Variants in KANK2 observed in about 807,000 individuals in gnomAD.
KANK2 encodes the protein KN motif and ankyrin repeat domains 2.
A neutral mutation model predicts 74.6 loss-of-function variants in KANK2; 41 were observed. The observed-to-expected ratio is 0.55, with a 90% CI of 0.43 to 0.71. KANK2 has a LOEUF of 0.71. Ranked by LOEUF, KANK2 falls within the 30% of genes least tolerant of loss-of-function variation. KANK2 has a pLI of 0.00. For missense variants in KANK2, 1,148 were observed against 1,196.4 expected, an observed-to-expected ratio of 0.96 and a Z score of 0.60; for synonymous variants, 537 against 519.0, an observed-to-expected ratio of 1.03 and a Z score of -0.47.
intron 4 of KANK2, among the ~76,000 whole-genome samples, chr19:11,180,016 G>A (rs947248127): frequency 1.3e-5 from 2 of 152,186 alleles, no homozygotes; most frequent in African/African-American, 4.8e-5. Context: ...GCATGCCACT[G>A]TGCCCAGCTA....
chr19:11,166,325 T>C lies in KANK2; in HGVS notation c.*233A>G. On this transcript the variant is annotated 3_prime_UTR_variant, in exon 13 of 13. Coordinates refer to ENST00000586659, the MANE Select transcript of KANK2 (RefSeq NM_001136191.3). ...GCGCCAATGTATACAAGAATTTTGC[T>C]TCGGTCTGCGCTGTGGCCACTTTGA... 2.1e-6 allele frequency: 1 copy of C among 467,400 alleles called. No individual in the cohort carries two copies. The highest frequency in any genetic ancestry group is 3.8e-6 in the Non-Finnish European group (1 of 262,938). The allele number at this position is 467,400 out of a possible 1,614,324, so 29.0% of individuals were successfully genotyped here.
chr19:11,189,603 CAAAAAAAAAAAAAAA>C (rs56203270), intron 4 of KANK2, among the ~76,000 whole-genome samples: 2 of 43,126 alleles, frequency 4.6e-5, no homozygotes, highest in African/African-American at 9.5e-5. Flanking sequence ...GACTCTGTCT[CAAAAAAAAAAAAAAA>C]AAAAAAAAAA....
At chr19:11,175,856 T>C (rs367773319) in intron 8 of KANK2, 46 bp downstream of exon 8, 7 of 1,435,874 alleles carry the variant, frequency 4.9e-6, no homozygotes, top group African/African-American at 1.4e-5. Context: ...GGGGTGGAGG[T>C]AGGGGTCCGG....
intron 9 of KANK2, 76 bp from the exon 10 acceptor site, chr19:11,173,199 C>A: frequency 6.7e-7 from 1 of 1,489,338 alleles, no homozygotes; most frequent in South Asian, 1.3e-5. Context: ...GATACCACGT[C>A]TCGTCCATCA....
rs113611112 is a variant in KANK2, at chr19:11,169,862, C to G, written c.2502+15G>C. On this transcript the variant is annotated intron_variant, in intron 12 of 12. Transcript: ENST00000586659. The stretch of plus-strand genomic sequence containing the variant: ...CCCACCCATCCCGTGCCTACCCGGC[C>G]GGATTGAGACTCACCGAGCACTTGA... The G allele has an allele frequency of 2.0e-5, 32 of 1,609,200 alleles. No homozygotes were observed. The highest frequency in any genetic ancestry group is 2.5e-5 in the Non-Finnish European group (29 of 1,175,750).
At chr19:11,174,983 A>T (rs1485381891) in intron 8 of KANK2, among the ~76,000 whole-genome samples, 1 of 148,180 alleles carries the variant, frequency 6.7e-6, no homozygotes, top group Non-Finnish European at 1.5e-5. Flanking sequence ...TGTGAGACAG[A>T]GTCTCGCTCT....
intron 12 of KANK2, among the ~76,000 whole-genome samples, chr19:11,168,104 G>C (rs2078075096): frequency 6.7e-6 from 1 of 148,236 alleles, no homozygotes; most frequent in Non-Finnish European, 1.5e-5. Flanking sequence ...CTGGGTTCAA[G>C]TGATTCTCCC....
chr19:11,186,216 C>T (rs1201913652), intron 4 of KANK2, among the ~76,000 whole-genome samples: 2 of 151,832 alleles, frequency 1.3e-5, no homozygotes, highest in African/African-American at 2.4e-5. Flanking sequence ...GGTGAAACCC[C>T]GTCTCTACTA....
At chr19:11,180,102 TC>T (rs2078470066) in intron 4 of KANK2, among the ~76,000 whole-genome samples, 1 of 152,168 alleles carries the variant, frequency 6.6e-6, no homozygotes, top group South Asian at 2.1e-4. Flanking sequence ...GCTCAAGTGA[TC>T]CGCCTTCCAA....
chr19:11,169,919 C>A lies in KANK2; in HGVS notation c.2460G>T (p.Glu820Asp). The change falls in exon 12 of 13, where the codon GAG becomes GAT. Residue 820 changes from glutamate to aspartate, a missense_variant. Transcript: ENST00000586659. ...LMVALDAGQS[E>D]IASMLYSRMN... ...TGCGGGAATACAGCATGGACGCAAT[C>A]TCACTCTGCCCTGCGTCCAAGGCCA... The A allele has an allele frequency of 6.2e-7, 1 of 1,614,232 alleles. No homozygotes were observed. Among genetic ancestry groups the A allele is most frequent in the Non-Finnish European group, 8.5e-7 (1 of 1,180,038 alleles).
chr19:11,187,560 T>C (rs1239854318), intron 4 of KANK2, among the ~76,000 whole-genome samples: 3 of 152,092 alleles, frequency 2.0e-5, no homozygotes, highest in Non-Finnish European at 4.4e-5. Flanking sequence ...GTGCTGTTTT[T>C]ACATTTTTAA....
rs1166323760 is a variant in KANK2 at position 11,176,715 on chromosome 19, C to T, written c.1623G>A (p.Val541=). ...APEPRERVPS[V]AEAPQLRPAG... ...CAGGCCTGAGCTGGGGGGCTTCGGCCACACTCGGAACCCTCTCCCTCGGCT... is the reference window on the plus strand; with the variant it reads ...CAGGCCTGAGCTGGGGGGCTTCGGCTACACTCGGAACCCTCTCCCTCGGCT... Residue 541 remains valine, a synonymous_variant, in exon 7 of 13, where the codon GTG becomes GTA. Transcript: ENST00000586659. 6.2e-7 allele frequency: 1 copy of T among 1,612,258 alleles called. No individual in the cohort carries two copies. Among genetic ancestry groups the T allele is most frequent in the Non-Finnish European group, 8.5e-7 (1 of 1,179,190 alleles).
Position 11,189,153 on chromosome 19 carries a change from G to A in KANK2, c.1249+3678C>T, listed in dbSNP as rs377373386. Among the ~76,000 whole-genome samples the A allele has an allele frequency of 1.7e-4, 23 of 132,208 alleles. No individual in the cohort carries two copies. The South Asian group carries it at 2.5e-3, about 15-fold the overall frequency. 86.7% of individuals were successfully genotyped at this position (132,208 alleles called of 152,430 possible). On this transcript the variant is annotated intron_variant, in intron 4 of 12. Coordinates refer to ENST00000586659, the MANE Select transcript of KANK2 (RefSeq NM_001136191.3). ...CTTGCTCAGGCTGGAGTACAGTGGC[G>A]TGGTCACAACTCACTGTAGCCTCGA...
In KANK2 at chr19:11,172,997, T is replaced by C. The variant is rs1600807984; in HGVS notation, c.2195A>G (p.Asn732Ser). ...VLQLFRLGNI[N>S]AKASQAGQTA... ...TCCCCATACCTGGCTGGCTTTGGCA[T>C]TGATGTTGCCAAGCCGGAAGAGCTG... The change falls in exon 10 of 13, where the codon AAT becomes AGT. Residue 732 changes from asparagine to serine, a missense_variant. Coordinates refer to ENST00000586659, the MANE Select transcript of KANK2 (RefSeq NM_001136191.3). 2 of 1,613,768 alleles carry C rather than the reference T, an allele frequency of 1.2e-6. No individual in the cohort carries two copies. The highest frequency in any genetic ancestry group is 1.7e-5 in the Admixed American group (1 of 59,950).
At chr19:11,187,938 T>C (rs996460250) in intron 4 of KANK2, among the ~76,000 whole-genome samples, 1 of 151,904 alleles carries the variant, frequency 6.6e-6, no homozygotes, top group South Asian at 2.1e-4. Context: ...TAGTGAGACC[T>C]CATCTCAATA....
chr19:11,175,242 C>T (rs964205814), intron 8 of KANK2, among the ~76,000 whole-genome samples: 15 of 151,830 alleles, frequency 9.9e-5, no homozygotes, highest in African/African-American at 3.6e-4. Context: ...TCCTGCCCAA[C>T]ATGGTGAAAC....
chr19:11,169,814 A>G, intron 12 of KANK2, 63 bp downstream of exon 12: 1 of 1,394,850 alleles, frequency 7.2e-7, no homozygotes, highest in South Asian at 1.2e-5. Context: ...AACAAAAACA[A>G]CAAATCTCTG....
At chr19:11,189,679 A>G (rs12979104) in intron 4 of KANK2, among the ~76,000 whole-genome samples, 10,865 of 151,278 alleles carry the variant, frequency 0.072, 472 homozygotes, top group Admixed American at 0.093. Context: ...TGGCTCAAGC[A>G]AGGCAGAGAT....
At chr19:11,175,459 A>AT (rs906584973) in intron 8 of KANK2, among the ~76,000 whole-genome samples, 1 of 147,716 alleles carries the variant, frequency 6.8e-6, no homozygotes, top group Non-Finnish European at 1.5e-5. Context: ...AAAAAAAAGA[A>AT]TTTTTTTGTA....
Sources: allele counts gnomAD v4.1 joint callset (sites outside exome capture counted in the v4.1 genomes callset), GRCh38; gene constraint gnomAD v4.1.1; transcripts MANE v1.5; gene names NCBI Gene and HGNC (gene_info 2026-07-23, HGNC 2026-07-21).